Variants in DNAH8 observed in about 807,000 individuals in gnomAD.
DNAH8 encodes dynein axonemal heavy chain 8.
DNAH8 carries 382 observed loss-of-function variants against 562.1 expected under a neutral mutation model. That is an observed-to-expected ratio of 0.68 (90% CI 0.63 to 0.74). The LOEUF (loss-of-function observed/expected upper bound fraction) is 0.74. DNAH8 is among the 30% of genes least tolerant of loss of function. The pLI is 0.00. For missense variants in DNAH8, 5,203 were observed against 5,620.4 expected, an observed-to-expected ratio of 0.93 and a Z score of 2.37; for synonymous variants, 1,881 against 1,919.4, an observed-to-expected ratio of 0.98 and a Z score of 0.52.
chr6:38,717,158 G>A (rs1762403006), intron 1 of DNAH8, among the ~76,000 whole-genome samples: 1 of 152,162 alleles, frequency 6.6e-6, no homozygotes, highest in African/African-American at 2.4e-5. Context: ...ACTGCAATGA[G>A]CTGTGCTCAC....
chr6:38,807,609 G>T lies in DNAH8; in HGVS notation c.3151-1G>T. The T allele has an allele frequency of 6.8e-7, 1 of 1,469,510 alleles. No individual in the cohort carries two copies. Among genetic ancestry groups the T allele is most frequent in the South Asian group, 1.6e-5 (1 of 64,222 alleles). 91.0% of individuals were successfully genotyped at this position (1,469,510 alleles called of 1,614,324 possible). Reference sequence around the variant, plus strand: ...AAATTTAATCTGATTTCTTATTACAGGAGTGTAAAGAGGTCTTTGCTTTTT... The same window carrying T: ...AAATTTAATCTGATTTCTTATTACATGAGTGTAAAGAGGTCTTTGCTTTTT... On this transcript the variant is annotated splice_acceptor_variant, in intron 23 of 92. Transcript: ENST00000327475. LOFTEE classifies it high-confidence loss of function.
chr6:38,916,312 A>G (rs1287587889), intron 68 of DNAH8, among the ~76,000 whole-genome samples: 1 of 152,102 alleles, frequency 6.6e-6, no homozygotes, highest in African/African-American at 2.4e-5. Context: ...CCTAACTTTC[A>G]TTGCCTAATT....
At chr6:38,817,801 A>T (rs1678698) in intron 26 of DNAH8, among the ~76,000 whole-genome samples, 75,092 of 151,956 alleles carry the variant, frequency 0.49, 19,542 homozygotes, top group East Asian at 0.7. Flanking sequence ...ATGTGGATGT[A>T]TCTATGAATT....
rs1768419112 is a variant in DNAH8 at position 38,779,966 on chromosome 6, G to A, written c.2040G>A (p.Arg680=). ...SSQQALQLLQ[R]FQKLNIPCLG... ...ACCATTCAGCTTTGATTACTTTTAG[G>A]TTTCAGAAGCTGAACATTCCCTGTC... Residue 680 remains arginine (R), a splice_region_variant and synonymous_variant, in exon 15 of 93, where the codon AGG becomes AGA. Coordinates refer to ENST00000327475, the MANE Select transcript of DNAH8 (RefSeq NM_001206927.2). The A allele has an allele frequency of 1.2e-6, 2 of 1,613,430 alleles. No individual in the cohort carries two copies. The highest frequency in any genetic ancestry group is 2.2e-5 in the South Asian group (2 of 91,074).
intron 57 of DNAH8, among the ~76,000 whole-genome samples, chr6:38,888,575 G>A (rs932136539): frequency 2.6e-5 from 4 of 151,998 alleles, no homozygotes; most frequent in Non-Finnish European, 5.9e-5. Context: ...ATAAAAATGG[G>A]CAAACAACTA....
chr6:38,950,823 C>T (rs1761849893), intron 81 of DNAH8, among the ~76,000 whole-genome samples: 1 of 151,390 alleles, frequency 6.6e-6, no homozygotes. Context: ...ATAGTGCAAT[C>T]TAGTAGCACC....
intron 53 of DNAH8, among the ~76,000 whole-genome samples, chr6:38,879,864 G>T (rs1184511459): frequency 2.0e-5 from 3 of 152,138 alleles, no homozygotes; most frequent in Non-Finnish European, 4.4e-5. Flanking sequence ...GGACAAAAGG[G>T]CCATACATTT....
intron 36 of DNAH8, among the ~76,000 whole-genome samples, chr6:38,846,040 G>A (rs887525006): frequency 1.3e-5 from 2 of 151,714 alleles, no homozygotes; most frequent in Non-Finnish European, 2.9e-5. Flanking sequence ...GTCCTCTGAA[G>A]GTCTTGGCTC....
intron 79 of DNAH8, among the ~76,000 whole-genome samples, chr6:38,939,224 A>T: frequency 6.6e-6 from 1 of 152,188 alleles, no homozygotes; most frequent in Admixed American, 6.5e-5. Flanking sequence ...TTATTGATAT[A>T]ACTACATTCA....
intron 87 of DNAH8, among the ~76,000 whole-genome samples, chr6:38,987,951 A>G (rs1265084175): frequency 6.6e-6 from 1 of 152,084 alleles, no homozygotes; most frequent in Non-Finnish European, 1.5e-5. Context: ...CACAGCCCCC[A>G]CACCCTGCCT....
chr6:38,787,880 T>C (rs1441984884), intron 18 of DNAH8, among the ~76,000 whole-genome samples: 4 of 152,116 alleles, frequency 2.6e-5, no homozygotes, highest in East Asian at 3.8e-4. Context: ...TTAACTCCTC[T>C]TCTTTGCTTT....
chr6:38,910,436 G>T (rs954593740), intron 65 of DNAH8, among the ~76,000 whole-genome samples: 1 of 152,142 alleles, frequency 6.6e-6, no homozygotes, highest in Non-Finnish European at 1.5e-5. Context: ...TTTCAGTGAG[G>T]TTCCTACTTC....
intron 89 of DNAH8, among the ~76,000 whole-genome samples, chr6:39,011,972 T>G (rs986744146): frequency 2.6e-5 from 4 of 152,234 alleles, no homozygotes; most frequent in Non-Finnish European, 5.9e-5. Flanking sequence ...AAGGTACATT[T>G]CCAATTATTA....
intron 24 of DNAH8, among the ~76,000 whole-genome samples, chr6:38,811,153 A>G (rs1226136508): frequency 6.6e-6 from 1 of 152,206 alleles, no homozygotes; most frequent in Non-Finnish European, 1.5e-5. Flanking sequence ...TAATGCTAGA[A>G]AAAACCTCAG....
intron 88 of DNAH8, among the ~76,000 whole-genome samples, chr6:38,996,981 G>T (rs9357295): frequency 0.81 from 122,618 of 152,028 alleles, 50,133 homozygotes; most frequent in Middle Eastern, 0.88. Context: ...AAATGGGGGA[G>T]TATATCCACT....
rs145206381 is a variant in DNAH8 at position 38,766,139 on chromosome 6, A to ATGTGTGTG, written c.1618-4264_1618-4257dup. ...TGTATGTATATATGTATGTGTTTGTATGTGTGTGTGTGTGTGTTTGTGTAT... is the reference window on the plus strand; with the variant it reads ...TGTATGTATATATGTATGTGTTTGTATGTGTGTGTGTGTGTGTGTGTGTGTTTGTGTAT... On this transcript the variant is annotated intron_variant, in intron 11 of 92. Transcript: ENST00000327475. Among the ~76,000 whole-genome samples, 819 of 151,002 alleles carry ATGTGTGTG rather than the reference A, an allele frequency of 5.4e-3. 7 individuals carry two copies. The highest frequency in any genetic ancestry group is 0.019 in the African/African-American group (769 of 41,230).
At chr6:38,740,013 T>C (rs1764399427) in intron 7 of DNAH8, among the ~76,000 whole-genome samples, 1 of 152,216 alleles carries the variant, frequency 6.6e-6, no homozygotes, top group African/African-American at 2.4e-5. Context: ...ATTTGTAATA[T>C]AACCTCTGTC....
At chr6:38,752,311 A>G (rs1210506713) in intron 9 of DNAH8, among the ~76,000 whole-genome samples, 2 of 151,180 alleles carry the variant, frequency 1.3e-5, no homozygotes, top group Admixed American at 1.3e-4. Flanking sequence ...TTACAGGTGC[A>G]TGCCACCATG....
chr6:38,822,643 T>A (rs1772970960), intron 26 of DNAH8, among the ~76,000 whole-genome samples, 195 bp from the exon 27 acceptor site: 1 of 152,170 alleles, frequency 6.6e-6, no homozygotes, highest in South Asian at 2.1e-4. Flanking sequence ...GAGCTCAAAA[T>A]CTGACACCAT....
Sources: allele counts gnomAD v4.1 joint callset (sites outside exome capture counted in the v4.1 genomes callset), GRCh38; gene constraint gnomAD v4.1.1; transcripts MANE v1.5; gene names NCBI Gene and HGNC (gene_info 2026-07-23, HGNC 2026-07-21).